The following FLYWCH1 variants were observed in gnomAD, a reference collection of about 807,000 sequenced individuals.
FLYWCH1 encodes the protein FLYWCH-type zinc finger 1.
In FLYWCH1, 75 loss-of-function variants were observed where a neutral mutation model predicts 66.4. The ratio of observed to expected loss-of-function variants is 1.13; its 90% CI spans 0.94 to 1.37. FLYWCH1 has a LOEUF of 1.37. Among genes scored for constraint, FLYWCH1 ranks in the 40% most tolerant of loss-of-function variants. The probability of loss-of-function intolerance (pLI) is 0.00; values close to 1 mark genes in which losing one functional copy is unlikely to be tolerated. For missense variants in FLYWCH1, 1,334 were observed against 1,001.8 expected (o/e 1.33, Z -4.48); for synonymous variants, 595 against 429.9 (o/e 1.38, Z -4.75).
rs1567335599 is a variant in FLYWCH1 at position 2,932,879 on chromosome 16, CGGTGGT to C, written c.797-250_797-245del. On this transcript the variant is annotated intron_variant, in intron 4 of 9. Transcript: ENST00000253928. ...GAATGAGACTCTCCTCTGGGTCACTCGGTGGTAGGGGTGAGCTGGGGTGGCCTCACT... is the reference window on the plus strand; with the variant it reads ...GAATGAGACTCTCCTCTGGGTCACTCAGGGGTGAGCTGGGGTGGCCTCACT... Among the ~76,000 whole-genome samples the C allele has an allele frequency of 4.0e-4, 60 of 151,238 alleles. 1 individual carries two copies. The South Asian group carries it at 0.011, about 29-fold the overall frequency.
intron 6 of FLYWCH1, chr16:2,936,770 T>A (rs1404075121): frequency 2.0e-6 from 1 of 504,978 alleles, no homozygotes; most frequent in South Asian, 1.5e-5. Flanking sequence ...GGGCCCCGGG[T>A]CATTCCTCTG....
At chr16:2,939,745 A>G (rs1240432427) in intron 8 of FLYWCH1, 2 of 336,984 alleles carry the variant, frequency 5.9e-6, no homozygotes, top group Non-Finnish European at 1.1e-5. Flanking sequence ...GAAAGCCACT[A>G]TCGAGCTTAC....
chr16:2,944,883 T>C (rs1196078722), intron 9 of FLYWCH1, among the ~76,000 whole-genome samples: 1 of 152,138 alleles, frequency 6.6e-6, no homozygotes, highest in Non-Finnish European at 1.5e-5. Flanking sequence ...TCAAGACTTT[T>C]TGGAGGTATC....
rs756625678 is a variant in FLYWCH1 at position 2,948,766 on chromosome 16, G to C, written c.*39G>C. ...GAGGAGCTCCGAGCCGCCCACCCAAGGTGGCTTCACATCCACACAGGCACT... is the reference window on the plus strand; with the variant it reads ...GAGGAGCTCCGAGCCGCCCACCCAACGTGGCTTCACATCCACACAGGCACT... On this transcript the variant is annotated 3_prime_UTR_variant, in exon 10 of 10. Coordinates refer to ENST00000253928, the MANE Select transcript of FLYWCH1 (RefSeq NM_001308068.2). The C allele has an allele frequency of 1.9e-6, 3 of 1,609,032 alleles. No homozygotes were observed. Among genetic ancestry groups the C allele is most frequent in the Non-Finnish European group, 2.6e-6 (3 of 1,175,792 alleles).
At chr16:2,934,045 T>C in intron 6 of FLYWCH1, 66 bp downstream of exon 6, 2 of 1,440,986 alleles carry the variant, frequency 1.4e-6, no homozygotes, top group African/African-American at 1.4e-5. Context: ...TGCCTTTCCC[T>C]CTCCATGCTG....
At chr16:2,940,627 G>C (rs1472791754) in intron 9 of FLYWCH1, among the ~76,000 whole-genome samples, 3 of 152,050 alleles carry the variant, frequency 2.0e-5, no homozygotes, top group Non-Finnish European at 4.4e-5. Context: ...GTAGAGATAG[G>C]GTTTTATCAT....
At position 2,948,840 on chromosome 16, in the gene FLYWCH1, A is replaced by C. The variant is rs925504626; in HGVS notation, c.*113A>C. ...AGCAGAAACTTCTTTTCATTCTTCC[A>C]AAGCATCGATGGTCTTCGCGTCTCC... On this transcript the variant is annotated 3_prime_UTR_variant, in exon 10 of 10. Transcript: ENST00000253928. 1 of 947,536 alleles carries C rather than the reference A, an allele frequency of 1.1e-6. No homozygotes were observed. The highest frequency in any genetic ancestry group is 1.9e-5 in the Admixed American group (1 of 51,958). The allele number at this position is 947,536 out of a possible 1,614,324, so 58.7% of individuals were successfully genotyped here.
chr16:2,921,618 C>T (rs1475662454), intron 2 of FLYWCH1, among the ~76,000 whole-genome samples: 6 of 151,936 alleles, frequency 3.9e-5, no homozygotes, highest in African/African-American at 9.7e-5. Context: ...AGAAATTAGC[C>T]GGGCATGGTA....
intron 7 of FLYWCH1, 53 bp from the exon 8 acceptor site, chr16:2,938,131 C>T (rs1941413744): frequency 3.2e-6 from 5 of 1,560,680 alleles, no homozygotes; most frequent in Non-Finnish European, 3.5e-6. Context: ...AGACCCCCAG[C>T]CCTGCCACCC....
chr16:2,934,083 C>G (rs1054454776), intron 6 of FLYWCH1, 104 bp downstream of exon 6: 4 of 1,340,334 alleles, frequency 3.0e-6, no homozygotes, highest in Non-Finnish European at 4.0e-6. Context: ...CGTCCTCTTC[C>G]CTTCTTTGAA....
At position 2,936,923 on chromosome 16, in the gene FLYWCH1, C is replaced by T. The variant is rs1021380987; in HGVS notation, c.1514-198C>T. 8.2e-6 allele frequency: 6 copies of T among 731,078 alleles called. No homozygotes were observed. The Admixed American group carries it at 1.0e-4, about 12-fold the overall frequency. 45.3% of individuals were successfully genotyped at this position (731,078 alleles called of 1,614,324 possible). A position where few individuals can be genotyped will look rare whatever the true frequency, so the allele number is the denominator to read the frequency against. On this transcript the variant is annotated intron_variant, in intron 6 of 9. Coordinates refer to ENST00000253928, the MANE Select transcript of FLYWCH1 (RefSeq NM_001308068.2). ...CTGCAGGGGCCTCACCTGACCAGTC[C>T]CCAGCCTCAGGAGGCGGACCCCAGC...
chr16:2,930,851 C>T lies in FLYWCH1; in HGVS notation c.767C>T (p.Pro256Leu), dbSNP rs754551966. Residue 256 changes from proline to leucine, a missense_variant, in exon 4 of 10, where the codon CCG becomes CTG. Physicochemically the swap from Pro to Leu is moderately conservative, Grantham distance 98. Coordinates refer to ENST00000253928, the MANE Select transcript of FLYWCH1 (RefSeq NM_001308068.2). ...APRALSLLSL[P>L]PKKRSILGLG... ...CGAGCCCTGTCACTGCTGAGCCTGC[C>T]GCCCAAGAAGCGCTCGATCCTGGGG... The T allele has an allele frequency of 2.2e-5, 36 of 1,601,286 alleles. No individual in the cohort carries two copies. The African/African-American group carries it at 2.5e-4, about 11-fold the overall frequency.
intron 6 of FLYWCH1, chr16:2,935,862 C>T (rs1168591663): frequency 6.5e-6 from 1 of 152,784 alleles, no homozygotes; most frequent in East Asian, 1.9e-4. Flanking sequence ...CCATCATCAT[C>T]CCTTTCTGTT....
intron 2 of FLYWCH1, among the ~76,000 whole-genome samples, chr16:2,924,705 C>T (rs947849144): frequency 2.0e-5 from 3 of 152,212 alleles, no homozygotes; most frequent in African/African-American, 7.2e-5. Flanking sequence ...GAGACAAAGC[C>T]CGGTTGCTGA....
intron 6 of FLYWCH1, chr16:2,936,392 G>T (rs918442280): frequency 2.2e-6 from 1 of 456,506 alleles, no homozygotes; most frequent in Admixed American, 2.4e-5. Flanking sequence ...TGCTCCACAT[G>T]GCCCCTGCCC....
intron 2 of FLYWCH1, 148 bp from the exon 3 acceptor site, chr16:2,929,465 A>G: frequency 1.6e-6 from 1 of 607,178 alleles, no homozygotes; most frequent in Non-Finnish European, 2.9e-6. Context: ...GAACTGGCAG[A>G]GCAGAAGCCT....
rs931363524 is a variant in FLYWCH1, at chr16:2,912,641, T to A, written c.-188+487T>A. Among the ~76,000 whole-genome samples the A allele has an allele frequency of 9.8e-5, 15 of 152,316 alleles. 1 individual carries two copies. The South Asian group carries it at 3.1e-3, about 32-fold the overall frequency. On this transcript the variant is annotated intron_variant, in intron 1 of 9. Transcript: ENST00000253928. The stretch of plus-strand genomic sequence containing the variant: ...CTCTGTGCCTGTGGGTCTGGATGAC[T>A]GAAGCACAAGTTTAAAGGGAGACGC...
intron 8 of FLYWCH1, 87 bp from the exon 9 acceptor site, chr16:2,939,945 C>G (rs113334381): frequency 6.7e-7 from 1 of 1,486,040 alleles, no homozygotes; most frequent in Non-Finnish European, 9.0e-7. Flanking sequence ...GCCTTGAGGG[C>G]GTCGTTAACA....
intron 2 of FLYWCH1, among the ~76,000 whole-genome samples, chr16:2,925,470 C>G (rs1027236922): frequency 6.8e-6 from 1 of 147,186 alleles, no homozygotes; most frequent in African/African-American, 2.5e-5. Context: ...TCCCACTCAT[C>G]CCCATTCATC....
Sources: allele counts gnomAD v4.1 joint callset (sites outside exome capture counted in the v4.1 genomes callset), GRCh38; gene constraint gnomAD v4.1.1; transcripts MANE v1.5; gene names NCBI Gene and HGNC (gene_info 2026-07-23, HGNC 2026-07-21).